The following FAT3 variants were observed in gnomAD, a reference collection of about 807,000 sequenced individuals.
FAT3 encodes the protein FAT atypical cadherin 3.
FAT3 carries 95 observed loss-of-function variants against 310.2 expected under a neutral mutation model. The ratio of observed to expected loss-of-function variants is 0.31; its 90% confidence interval spans 0.26 to 0.36. The LOEUF (loss-of-function observed/expected upper bound fraction) is 0.36. Among genes scored for constraint, FAT3 ranks in the 10% least tolerant of loss-of-function variants. The pLI is 1.00. For synonymous variants in FAT3, 2,314 were observed against 2,192.9 expected, an observed-to-expected ratio of 1.06 and a Z score of -1.54; for missense variants, 5,408 against 5,715.6, an observed-to-expected ratio of 0.95 and a Z score of 1.74.
At position 92,843,980 on chromosome 11, in the gene FAT3, G is replaced by A. The variant is rs755030491; in HGVS notation, c.10613G>A (p.Arg3538His). Residue 3538 changes from arginine to histidine, a missense_variant, in exon 19 of 28, where the codon CGC (arginine) becomes CAC (histidine). Physicochemically the swap from Arg to His is conservative, Grantham distance 29 (BLOSUM62 0). Around this residue, in one of 5 missense-constraint regions of FAT3, gnomAD observed 4,588 missense variants for 4,809.8 expected, o/e 0.95. Transcript: ENST00000525166. The part of the protein sequence containing the change: ...KPQQVSHTYI[R>H]VRVIEESTHK... ...CAGCAAGTTTCTCACACTTACATCC[G>A]CGTGCGAGTCATTGAGGAAAGCACC... 3.8e-5 allele frequency: 62 copies of A among 1,613,286 alleles called. No individual in the cohort carries two copies. The highest frequency in any genetic ancestry group is 1.7e-4 in the Admixed American group (10 of 59,970).
chr11:92,687,117 T>C (rs989318882), intron 3 of FAT3, among the ~76,000 whole-genome samples: 1 of 152,192 alleles, frequency 6.6e-6, no homozygotes, highest in African/African-American at 2.4e-5. Flanking sequence ...CTATTAGGGT[T>C]TTTAATAAAA....
At chr11:92,593,436 C>T (rs1173256643) in intron 3 of FAT3, among the ~76,000 whole-genome samples, 1 of 151,530 alleles carries the variant, frequency 6.6e-6, no homozygotes, top group Non-Finnish European at 1.5e-5. Flanking sequence ...TGTCACATGC[C>T]ATTTTCTTTT....
At chr11:92,620,239 T>A (rs1187892646) in intron 3 of FAT3, among the ~76,000 whole-genome samples, 1 of 152,214 alleles carries the variant, frequency 6.6e-6, no homozygotes, top group Admixed American at 6.5e-5. Flanking sequence ...CCAATCTTTT[T>A]AAATTTATTA....
chr11:92,353,957 C>T lies in FAT3; in HGVS notation c.1845C>T (p.Ile615=), dbSNP rs1948648934. ...IDELELVKYK[I]ISGNELGFFY... Reference sequence around the variant, plus strand: ...AACTTGAACTTGTAAAGTACAAAATCATTTCTGGAAATGAACTTGGCTTCT... The same window carrying T: ...AACTTGAACTTGTAAAGTACAAAATTATTTCTGGAAATGAACTTGGCTTCT... The change falls in exon 2 of 28, where the codon ATC becomes ATT. Residue 615 remains isoleucine (I), a synonymous_variant. Coordinates refer to ENST00000525166, the MANE Select transcript of FAT3 (RefSeq NM_001367949.2). 1 of 1,612,530 alleles carries T rather than the reference C, an allele frequency of 6.2e-7. No individual in the cohort carries two copies. The highest frequency in any genetic ancestry group is 8.5e-7 in the Non-Finnish European group (1 of 1,178,948).
chr11:92,735,171 T>C (rs963799459), intron 4 of FAT3, among the ~76,000 whole-genome samples: 2 of 152,184 alleles, frequency 1.3e-5, no homozygotes, highest in African/African-American at 4.8e-5. Context: ...AAGCCTGATT[T>C]TTCCAGCACC....
intron 2 of FAT3, among the ~76,000 whole-genome samples, chr11:92,365,736 C>T (rs1218908259): frequency 6.6e-6 from 1 of 152,178 alleles, no homozygotes; most frequent in Non-Finnish European, 1.5e-5. Flanking sequence ...AGAGGCATTT[C>T]ACTGCCTTGA....
intron 1 of FAT3, among the ~76,000 whole-genome samples, chr11:92,272,851 CA>C (rs1004988140): frequency 6.6e-6 from 1 of 152,046 alleles, no homozygotes; most frequent in Non-Finnish European, 1.5e-5. Flanking sequence ...AACTGTTGAG[CA>C]AAATAAAGTA....
intron 3 of FAT3, among the ~76,000 whole-genome samples, chr11:92,647,085 A>G (rs1022941859): frequency 1.3e-5 from 2 of 152,058 alleles, no homozygotes; most frequent in Non-Finnish European, 2.9e-5. Context: ...TTGAAACTGA[A>G]TCAATAATGT....
intron 3 of FAT3, among the ~76,000 whole-genome samples, chr11:92,542,448 T>C (rs1297526095): frequency 6.6e-6 from 1 of 151,350 alleles, no homozygotes; most frequent in African/African-American, 2.4e-5. Flanking sequence ...AAGGGGCTAA[T>C]AAATAGGGTA....
At chr11:92,619,282 A>G (rs895855976) in intron 3 of FAT3, among the ~76,000 whole-genome samples, 10 of 152,152 alleles carry the variant, frequency 6.6e-5, no homozygotes, top group African/African-American at 2.4e-4. Context: ...CATAAGAGAT[A>G]TAACTTTTGC....
chr11:92,353,276 T>C lies in FAT3; in HGVS notation c.1164T>C (p.Phe388=). 1 of 1,613,720 alleles carries C rather than the reference T, an allele frequency of 6.2e-7. No individual in the cohort carries two copies. The highest frequency in any genetic ancestry group is 8.5e-7 in the Non-Finnish European group (1 of 1,179,828). ...KEVYDVSISE[F]SPPGVVVAIV... ...TGTACGATGTGAGCATAAGTGAATT[T>C]TCCCCTCCTGGTGTCGTGGTTGCTA... Residue 388 remains phenylalanine (F), a synonymous_variant, in exon 2 of 28, where the codon TTT becomes TTC. Transcript: ENST00000525166.
chr11:92,524,841 T>C lies in FAT3; in HGVS notation c.3500T>C (p.Val1167Ala). 1 of 1,613,878 alleles carries C rather than the reference T, an allele frequency of 6.2e-7. No homozygotes were observed. The highest frequency in any genetic ancestry group is 8.5e-7 in the Non-Finnish European group (1 of 1,179,816). The change falls in exon 3 of 28, where the codon GTC (valine) becomes GCC (alanine). Residue 1167 changes from valine to alanine, a missense_variant. Val to Ala is a moderately conservative substitution (Grantham distance 64, BLOSUM62 0). Coordinates refer to ENST00000525166, the MANE Select transcript of FAT3 (RefSeq NM_001367949.2). ...GAAAACTCTCCAAAGGACGTATCTG[T>C]CATTCAGATCCAGGCTGAAGATCCT... is the stretch of plus-strand genomic sequence containing the variant. ...VMENSPKDVS[V>A]IQIQAEDPDS...
In FAT3 at chr11:92,798,666, C is replaced by T; in HGVS notation, c.5653C>T (p.Gln1885Ter). ...DVNDNPPVFT[Q>*]AVFETILLLP... ...GAATGATAACCCACCTGTTTTTACTCAGGCTGTGTTTGAGACTATCTTACT... is the reference window on the plus strand; with the variant it reads ...GAATGATAACCCACCTGTTTTTACTTAGGCTGTGTTTGAGACTATCTTACT... Residue 1885 changes from glutamine to a stop codon, truncating the protein, a stop_gained, in exon 10 of 28, where the codon CAG (glutamine) becomes TAG (stop). Transcript: ENST00000525166. LOFTEE classifies it high-confidence loss of function. The T allele has an allele frequency of 6.2e-7, 1 of 1,613,694 alleles. No homozygotes were observed. Among genetic ancestry groups the T allele is most frequent in the Non-Finnish European group, 8.5e-7 (1 of 1,179,812 alleles).
intron 7 of FAT3, among the ~76,000 whole-genome samples, chr11:92,789,398 C>A (rs577514800): frequency 6.6e-6 from 1 of 152,164 alleles, no homozygotes; most frequent in Non-Finnish European, 1.5e-5. Context: ...TGGGAAACTT[C>A]GTACCTTAGC....
intron 2 of FAT3, among the ~76,000 whole-genome samples, chr11:92,432,623 C>A (rs1002193191): frequency 6.6e-6 from 1 of 152,186 alleles, no homozygotes; most frequent in Non-Finnish European, 1.5e-5. Context: ...GCTGCCTGCT[C>A]CTTCCTTTGG....
At chr11:92,230,215 TAA>T (rs1864109529) in intron 1 of FAT3, among the ~76,000 whole-genome samples, 1 of 139,478 alleles carries the variant, frequency 7.2e-6, no homozygotes, top group Non-Finnish European at 1.5e-5. Context: ...TAAAATTCTG[TAA>T]AGTCACATGG....
At position 92,837,780 on chromosome 11, in the gene FAT3, C is replaced by T; in HGVS notation, c.10342C>T (p.Pro3448Ser). 1 of 1,613,976 alleles carries T rather than the reference C, an allele frequency of 6.2e-7. No homozygotes were observed. Among genetic ancestry groups the T allele is most frequent in the Non-Finnish European group, 8.5e-7 (1 of 1,179,888 alleles). Residue 3448 changes from proline (P) to serine (S), a missense_variant, in exon 17 of 28, where the codon CCT becomes TCT. Pro to Ser is a moderately conservative substitution (Grantham distance 74). Around this residue, in one of 5 missense-constraint regions of FAT3, gnomAD observed 4,588 missense variants for 4,809.8 expected, o/e 0.95. Transcript: ENST00000525166. The stretch of plus-strand genomic sequence containing the variant: ...GAATGACAACAGCCCGGTGTTTACA[C>T]CTGCCAACTATACTGCTGTGATTCA... ...DVNDNSPVFT[P>S]ANYTAVIQEN...
chr11:92,776,394 A>G (rs1055677222), intron 7 of FAT3, among the ~76,000 whole-genome samples: 2 of 152,212 alleles, frequency 1.3e-5, no homozygotes, highest in Non-Finnish European at 2.9e-5. Context: ...TTTTATTAGA[A>G]CCAGATGAGA....
intron 2 of FAT3, among the ~76,000 whole-genome samples, chr11:92,499,122 G>A (rs1255167238): frequency 6.6e-6 from 1 of 151,936 alleles, no homozygotes; most frequent in African/African-American, 2.4e-5. Context: ...CTTGTGCTGG[G>A]TGCTGTTGAT....
Sources: gnomAD v4.1 joint callset for allele counts (sites outside exome capture counted in the v4.1 genomes callset) on GRCh38, gnomAD v4.1.1 for gene constraint, gnomAD v4.1.1 regional missense constraint, MANE v1.5 for transcripts, NCBI Gene and HGNC (gene_info 2026-07-23, HGNC 2026-07-21) for gene names.